Variants in CSMD1 observed in about 807,000 individuals in gnomAD.
CSMD1 encodes the protein CUB and sushi domain-containing protein 1.
Under a neutral mutation model 417.5 loss-of-function variants are expected in CSMD1, and 213 were observed. The observed-to-expected ratio is 0.51, with a 90% CI of 0.46 to 0.57. The LOEUF is 0.57. Ranked by LOEUF, CSMD1 falls within the 20% of genes least tolerant of loss-of-function variation. The probability of loss-of-function intolerance (pLI) is 0.00; values close to 1 mark genes in which losing one functional copy is unlikely to be tolerated. For missense variants in CSMD1, 6,923 were observed against 4,529.7 expected, an observed-to-expected ratio of 1.53 and a Z score of -15.17; for synonymous variants, 2,862 against 1,736.8, an observed-to-expected ratio of 1.65 and a Z score of -16.11.
chr8:4,624,188 C>T (rs779205367), intron 2 of CSMD1, among the ~76,000 whole-genome samples: 1 of 152,048 alleles, frequency 6.6e-6, no homozygotes, highest in Admixed American at 6.6e-5. Context: ...ACTACTGTTC[C>T]AAGAATGAGA....
chr8:3,156,846 C>T (rs1819566322), intron 39 of CSMD1, among the ~76,000 whole-genome samples: 1 of 151,676 alleles, frequency 6.6e-6, no homozygotes, highest in South Asian at 2.1e-4. Context: ...GGGGACTGTG[C>T]CATCTTAAAG....
chr8:4,511,182 C>A (rs900927013), intron 2 of CSMD1, among the ~76,000 whole-genome samples: 10 of 152,086 alleles, frequency 6.6e-5, no homozygotes, highest in African/African-American at 1.9e-4. Flanking sequence ...AGCAAGCCTG[C>A]AATAGTCATC....
intron 28 of CSMD1, among the ~76,000 whole-genome samples, chr8:3,220,176 G>A (rs754172824): frequency 1.7e-4 from 25 of 143,434 alleles, no homozygotes; most frequent in Non-Finnish European, 3.0e-4. Flanking sequence ...CTCCACTTGC[G>A]TGGATAAATC....
At chr8:3,505,907 G>C (rs939274496) in intron 10 of CSMD1, among the ~76,000 whole-genome samples, 4 of 152,080 alleles carry the variant, frequency 2.6e-5, no homozygotes, top group Non-Finnish European at 4.4e-5. Flanking sequence ...TACTTAAGGA[G>C]GTTCTTTACA....
chr8:4,125,315 T>G (rs574698233), intron 3 of CSMD1, among the ~76,000 whole-genome samples: 1 of 152,338 alleles, frequency 6.6e-6, no homozygotes, highest in African/African-American at 2.4e-5. Flanking sequence ...TTGGAAAAGC[T>G]AATTAGAAAC....
At chr8:3,141,873 C>T (rs1818510637) in intron 41 of CSMD1, among the ~76,000 whole-genome samples, 1 of 151,524 alleles carries the variant, frequency 6.6e-6, no homozygotes, top group Admixed American at 6.6e-5. Flanking sequence ...TCTCTCCTCA[C>T]TGCAAGCTCC....
chr8:3,603,519 T>C (rs1801462696), intron 8 of CSMD1, among the ~76,000 whole-genome samples: 2 of 152,136 alleles, frequency 1.3e-5, no homozygotes, highest in South Asian at 2.1e-4. Flanking sequence ...AGAGTAAAAA[T>C]CACTTACAGA....
chr8:4,137,221 T>G (rs1034256982), intron 3 of CSMD1, among the ~76,000 whole-genome samples: 1 of 152,224 alleles, frequency 6.6e-6, no homozygotes, highest in Non-Finnish European at 1.5e-5. Context: ...TTGCCTTTAA[T>G]TAATTCTCCA....
At chr8:4,649,466 A>G (rs186533256) in intron 1 of CSMD1, among the ~76,000 whole-genome samples, 5 of 152,230 alleles carry the variant, frequency 3.3e-5, no homozygotes, top group African/African-American at 1.2e-4. Context: ...CCAAAGCCAC[A>G]TATACAAAGC....
At chr8:4,781,225 G>T (rs1002032723) in intron 1 of CSMD1, among the ~76,000 whole-genome samples, 5 of 152,176 alleles carry the variant, frequency 3.3e-5, no homozygotes, top group African/African-American at 9.6e-5. Context: ...GCATTATGTG[G>T]TGAGGCACAA....
chr8:4,361,107 G>C (rs933006383), intron 3 of CSMD1, among the ~76,000 whole-genome samples: 2 of 152,148 alleles, frequency 1.3e-5, no homozygotes, highest in Non-Finnish European at 2.9e-5. Context: ...ACACTGTGTG[G>C]ATGCTGAAAT....
chr8:3,620,550 G>C (rs995574175), intron 7 of CSMD1, among the ~76,000 whole-genome samples: 2 of 152,150 alleles, frequency 1.3e-5, no homozygotes, highest in Admixed American at 1.3e-4. Context: ...TGTAAGGATT[G>C]AAGTTTTCGT....
chr8:3,911,922 C>A (rs1235928397), intron 5 of CSMD1, among the ~76,000 whole-genome samples: 2 of 152,186 alleles, frequency 1.3e-5, no homozygotes, highest in African/African-American at 4.8e-5. Context: ...AAAGGATTCT[C>A]CTCTATGTGT....
At chr8:3,451,087 G>C (rs933656139) in intron 12 of CSMD1, among the ~76,000 whole-genome samples, 1 of 152,122 alleles carries the variant, frequency 6.6e-6, no homozygotes, top group Non-Finnish European at 1.5e-5. Context: ...ATTTTTTCAC[G>C]TCTCTTTTGG....
chr8:4,435,903 G>C (rs964700030), intron 2 of CSMD1, among the ~76,000 whole-genome samples: 4 of 152,138 alleles, frequency 2.6e-5, no homozygotes, highest in African/African-American at 9.7e-5. Context: ...GTCAAATGTA[G>C]ATTTGACGGA....
intron 10 of CSMD1, among the ~76,000 whole-genome samples, chr8:3,515,966 G>A (rs370628778): frequency 1.1e-4 from 16 of 152,242 alleles, no homozygotes; most frequent in East Asian, 5.8e-4. Context: ...CAAACTGTTC[G>A]TTGCCAGTCA....
chr8:4,937,171 A>T (rs10109821), intron 1 of CSMD1, among the ~76,000 whole-genome samples: 1 of 151,928 alleles, frequency 6.6e-6, no homozygotes, highest in Admixed American at 6.6e-5. Context: ...TCTGATCCTG[A>T]GACTGCATTA....
chr8:3,255,761 T>C (rs1256374864), intron 26 of CSMD1, among the ~76,000 whole-genome samples: 1 of 152,160 alleles, frequency 6.6e-6, no homozygotes, highest in African/African-American at 2.4e-5. Context: ...CCAGGTGCTG[T>C]CTGTCAACAC....
rs1298120979 is a variant in CSMD1 at position 3,409,538 on chromosome 8, G to T, written c.1629C>A (p.Phe543Leu). 6.2e-7 allele frequency: 1 copy of T among 1,611,322 alleles called. No individual in the cohort carries two copies. Among genetic ancestry groups the T allele is most frequent in the East Asian group, 2.2e-5 (1 of 44,770 alleles). Residue 543 changes from phenylalanine (F) to leucine (L), a missense_variant, in exon 13 of 70, where the codon TTC becomes TTA. Phe to Leu is a conservative substitution (Grantham distance 22). Coordinates refer to ENST00000635120, the MANE Select transcript of CSMD1 (RefSeq NM_033225.6). ...CAAAGGTGAGTGTATCTCCATGGAGGAAACTGCTGCCCGTCCGCTTCCCAT... is the reference window on the plus strand; with the variant it reads ...CAAAGGTGAGTGTATCTCCATGGAGTAAACTGCTGCCCGTCCGCTTCCCAT... ...PAYGKRTGSS[F>L]LHGDTLTFEC...
Sources: gnomAD v4.1 joint callset for allele counts (sites outside exome capture counted in the v4.1 genomes callset) on GRCh38, gnomAD v4.1.1 for gene constraint, MANE v1.5 for transcripts, NCBI Gene and HGNC (gene_info 2026-07-23, HGNC 2026-07-21) for gene names.